Variants in MPP7 observed in about 807,000 individuals in gnomAD.
The protein encoded by MPP7 is MAGUK p55 scaffold protein 7.
MPP7 carries 60 observed loss-of-function variants against 76.5 expected under a neutral mutation model. That is an observed-to-expected ratio of 0.78 (90% confidence interval 0.64 to 0.97). MPP7 has a LOEUF of 0.97. Ranked by LOEUF, MPP7 falls within the 50% of genes least tolerant of loss-of-function variation. The probability of loss-of-function intolerance (pLI) is 0.00; values close to 1 mark genes in which losing one functional copy is unlikely to be tolerated. For synonymous variants in MPP7, 237 were observed against 244.5 expected (o/e 0.97, Z 0.29); for missense variants, 641 against 694.0 (o/e 0.92, Z 0.86).
chr10:28,280,907 C>T (rs979403186), intron 1 of MPP7, among the ~76,000 whole-genome samples: 2 of 151,912 alleles, frequency 1.3e-5, no homozygotes, highest in Non-Finnish European at 2.9e-5. Context: ...AAAATGCATG[C>T]CTTGTACACA....
intron 1 of MPP7, among the ~76,000 whole-genome samples, chr10:28,244,683 G>A (rs1462875839): frequency 1.3e-5 from 2 of 152,094 alleles, no homozygotes; most frequent in Non-Finnish European, 2.9e-5. Flanking sequence ...ACTTCAGAAA[G>A]GAAACAAGAG....
chr10:28,233,575 G>T (rs920430426), intron 2 of MPP7, among the ~76,000 whole-genome samples: 2 of 151,808 alleles, frequency 1.3e-5, no homozygotes, highest in Non-Finnish European at 1.5e-5. Context: ...AAAATTAGCC[G>T]GGCGTGGTGG....
intron 2 of MPP7, among the ~76,000 whole-genome samples, chr10:28,224,131 G>A (rs1406112753): frequency 6.6e-6 from 1 of 151,956 alleles, no homozygotes; most frequent in Non-Finnish European, 1.5e-5. Flanking sequence ...GTTGCAGTGA[G>A]CCGAGATCAT....
chr10:28,311,774 A>C (rs1346753488), intron 2 of MPP7, among the ~76,000 whole-genome samples: 2 of 152,000 alleles, frequency 1.3e-5, no homozygotes, highest in Non-Finnish European at 2.9e-5. Context: ...ACACACACAC[A>C]CACACACACA....
In MPP7 at chr10:28,328,822, C is replaced by T. The variant is rs1204970884; in HGVS notation, c.-132+1107G>A. 2.6e-5 allele frequency among the ~76,000 whole-genome samples: 4 copies of T among 152,250 alleles called. No homozygotes were observed. The East Asian group carries it at 7.7e-4, about 29-fold the overall frequency. ...TACCATGTGACACTGATTTGAAATA[C>T]TTTTATTACATATTAAACTTTTCTA... is the stretch of plus-strand genomic sequence containing the variant. On this transcript the variant is annotated intron_variant, in intron 2 of 11. Coordinates refer to the MPP7 transcript ENST00000441595.
At chr10:28,200,105 C>T (rs905441583) in intron 3 of MPP7, among the ~76,000 whole-genome samples, 2 of 152,286 alleles carry the variant, frequency 1.3e-5, no homozygotes, top group African/African-American at 4.8e-5. Flanking sequence ...AAGCTGAAGG[C>T]TTCTATCCTC....
intron 1 of MPP7, among the ~76,000 whole-genome samples, chr10:28,333,355 G>T (rs144936412): frequency 6.6e-6 from 1 of 152,022 alleles, no homozygotes; most frequent in South Asian, 2.1e-4. Context: ...CATTTGGCCA[G>T]GCTGGTCTCG....
intron 1 of MPP7, among the ~76,000 whole-genome samples, chr10:28,252,609 T>C (rs1488610864): frequency 6.6e-6 from 1 of 152,168 alleles, no homozygotes; most frequent in African/African-American, 2.4e-5. Flanking sequence ...ACTGTTTTCT[T>C]CAATATGTGA....
intron 13 of MPP7, among the ~76,000 whole-genome samples, chr10:28,061,987 G>T (rs1172440916): frequency 1.3e-5 from 2 of 151,924 alleles, no homozygotes; most frequent in Admixed American, 1.3e-4. Flanking sequence ...ATTCACAGCC[G>T]ACTGTTCAAA....
At chr10:28,064,255 T>C (rs767667320) in intron 13 of MPP7, among the ~76,000 whole-genome samples, 1 of 152,090 alleles carries the variant, frequency 6.6e-6, no homozygotes, top group Non-Finnish European at 1.5e-5. Context: ...CTATTCAGCA[T>C]GAAAAGGGAT....
intron 2 of MPP7, among the ~76,000 whole-genome samples, chr10:28,308,622 C>CT (rs1841272365): frequency 6.6e-6 from 1 of 152,082 alleles, no homozygotes; most frequent in East Asian, 1.9e-4. Flanking sequence ...AATGTCACAC[C>CT]TATTAATTAT....
At chr10:28,330,075 T>C (rs774731445) in intron 1 of MPP7, 6 of 143,988 alleles carry the variant, frequency 4.2e-5, no homozygotes, top group Non-Finnish European at 6.1e-5. Flanking sequence ...AGGTACCACA[T>C]AGCATCTACC....
At chr10:28,195,482 C>T (rs1837550433) in intron 3 of MPP7, among the ~76,000 whole-genome samples, 1 of 152,170 alleles carries the variant, frequency 6.6e-6, no homozygotes, top group Admixed American at 6.5e-5. Context: ...TAGGCAGAAA[C>T]AACCCAAATG....
At position 28,069,602 on chromosome 10, in the gene MPP7, C is replaced by CA. The variant is rs796973209; in HGVS notation, c.1204+169dup. Reference sequence around the variant, plus strand: ...CTGGCAACAGAGTGAGACTCCATCTCAAAAAAACAAAACAAACAAAAAAAA... The same window carrying CA: ...CTGGCAACAGAGTGAGACTCCATCTCAAAAAAAACAAAACAAACAAAAAAAA... On this transcript the variant is annotated intron_variant, in intron 13 of 16. Transcript: ENST00000683449. 8.7e-3 allele frequency among the ~76,000 whole-genome samples: 978 copies of CA among 111,888 alleles called. 18 individuals are homozygous for CA. Among genetic ancestry groups the CA allele is most frequent in the African/African-American group, 0.015 (328 of 21,878 alleles). 73.4% of individuals were successfully genotyped at this position (111,888 alleles called of 152,430 possible).
intron 5 of MPP7, among the ~76,000 whole-genome samples, chr10:28,136,862 C>T (rs1406351301): frequency 3.3e-5 from 5 of 152,050 alleles, no homozygotes; most frequent in Non-Finnish European, 7.4e-5. Flanking sequence ...GTGATCTGGG[C>T]AACTACTTTA....
chr10:28,105,327 G>T (rs1834289043), intron 11 of MPP7, among the ~76,000 whole-genome samples: 1 of 151,954 alleles, frequency 6.6e-6, no homozygotes, highest in Non-Finnish European at 1.5e-5. Context: ...CTTTCCCATG[G>T]TTGAAAATAT....
chr10:28,151,914 G>A (rs1282757565), intron 3 of MPP7, among the ~76,000 whole-genome samples: 1 of 152,190 alleles, frequency 6.6e-6, no homozygotes, highest in African/African-American at 2.4e-5. Context: ...TAGAAAGGAA[G>A]GCTGGAAAGA....
intron 2 of MPP7, among the ~76,000 whole-genome samples, chr10:28,215,627 T>C (rs532987071): frequency 3.3e-5 from 5 of 152,228 alleles, no homozygotes; most frequent in African/African-American, 1.2e-4. Context: ...TGGGGTAGCA[T>C]GCTTAGACTC....
At chr10:28,315,383 A>AG (rs1368121003) in intron 2 of MPP7, among the ~76,000 whole-genome samples, 1 of 147,692 alleles carries the variant, frequency 6.8e-6, no homozygotes, top group Non-Finnish European at 1.5e-5. Context: ...GAAGAGAGGG[A>AG]GGGAGGGAAG....
Sources: gnomAD v4.1 joint callset for allele counts (sites outside exome capture counted in the v4.1 genomes callset) on GRCh38, gnomAD v4.1.1 for gene constraint, MANE v1.5 for transcripts, NCBI Gene and HGNC (gene_info 2026-07-23, HGNC 2026-07-21) for gene names.